MAN1A1: variants seen among roughly 807,000 people sequenced by gnomAD.
MAN1A1 encodes the protein mannosyl-oligosaccharide 1,2-alpha-mannosidase IA.
MAN1A1 carries 29 observed loss-of-function variants against 70.8 expected under a neutral mutation model. The observed-to-expected ratio is 0.41, with a 90% confidence interval of 0.31 to 0.56. The LOEUF (loss-of-function observed/expected upper bound fraction) is 0.56. Among genes scored for constraint, MAN1A1 ranks in the 20% least tolerant of loss-of-function variants. The pLI is 0.29. For missense variants in MAN1A1, 747 were observed against 841.3 expected (o/e 0.89, Z 1.39); for synonymous variants, 349 against 330.1 (o/e 1.06, Z -0.62).
intron 2 of MAN1A1, among the ~76,000 whole-genome samples, chr6:119,311,465 T>A: frequency 6.6e-6 from 1 of 152,214 alleles, no homozygotes; most frequent in Non-Finnish European, 1.5e-5. Context: ...AATCTTTAGC[T>A]ATGCAGGTTC....
At chr6:119,252,054 T>C (rs1048907327) in intron 5 of MAN1A1, among the ~76,000 whole-genome samples, 9 of 152,210 alleles carry the variant, frequency 5.9e-5, no homozygotes, top group Non-Finnish European at 1.5e-5. Flanking sequence ...ATTTATCATG[T>C]CTTAATTATT....
At chr6:119,349,764 T>C, upstream of MAN1A1, 1 of 985,258 alleles carries the variant, frequency 1.0e-6, no homozygotes, top group Non-Finnish European at 1.2e-6. Context: ...CGAGCACTAA[T>C]CTCACTGCCG....
At chr6:119,254,826 C>T (rs1425668432) in intron 5 of MAN1A1, among the ~76,000 whole-genome samples, 7 of 152,214 alleles carry the variant, frequency 4.6e-5, no homozygotes, top group South Asian at 2.1e-4. Flanking sequence ...TGGTAAAATA[C>T]GATGCAACAG....
At chr6:119,242,163 T>C (rs1253356471) in intron 6 of MAN1A1, among the ~76,000 whole-genome samples, 1 of 125,128 alleles carries the variant, frequency 8.0e-6, no homozygotes. Context: ...ACTGGGTTTG[T>C]ACCACATTAA....
At chr6:119,267,369 A>G (rs1163582572) in intron 5 of MAN1A1, among the ~76,000 whole-genome samples, 5 of 152,228 alleles carry the variant, frequency 3.3e-5, no homozygotes, top group African/African-American at 1.2e-4. Context: ...TTGAAATATA[A>G]TCTGTAATTT....
intron 4 of MAN1A1, 132 bp downstream of exon 4, chr6:119,301,856 T>C (rs1290025256): frequency 1.2e-5 from 7 of 581,900 alleles, no homozygotes; most frequent in African/African-American, 1.9e-5. Context: ...TATAAGATAA[T>C]AGTATTTGTA....
intron 6 of MAN1A1, among the ~76,000 whole-genome samples, chr6:119,223,102 T>A (rs1030289236): frequency 1.3e-5 from 2 of 152,120 alleles, no homozygotes; most frequent in African/African-American, 4.8e-5. Context: ...AGAATGAATA[T>A]TTAGAATATT....
At chr6:119,286,839 G>A (rs1056883288) in intron 5 of MAN1A1, among the ~76,000 whole-genome samples, 3 of 151,922 alleles carry the variant, frequency 2.0e-5, no homozygotes, top group Admixed American at 6.6e-5. Context: ...ATTTTTTCAG[G>A]TATCTTATTC....
In MAN1A1 at chr6:119,255,502, C is replaced by G. The variant is rs148317840; in HGVS notation, c.898-7148G>C. Among the ~76,000 whole-genome samples, 1,247 of 152,284 alleles carry G rather than the reference C, an allele frequency of 8.2e-3. 13 individuals carry two copies. Among genetic ancestry groups the G allele is most frequent in the African/African-American group, 0.028 (1,180 of 41,558 alleles). On this transcript the variant is annotated intron_variant, in intron 5 of 12. Transcript: ENST00000368468. ...ACCAGTAAGTACTTATTAAGCTATT[C>G]TGGCTTTTTAGAGTAGACCCTTGAA...
At chr6:119,193,943 T>A (rs747162270) in intron 8 of MAN1A1, 51 bp from the exon 9 acceptor site, 10 of 1,180,000 alleles carry the variant, frequency 8.5e-6, no homozygotes, top group South Asian at 1.2e-5. Context: ...TTAATTCAGA[T>A]AATGCAGCAA....
intron 9 of MAN1A1, 39 bp from the exon 10 acceptor site, chr6:119,189,922 T>G: frequency 3.4e-6 from 5 of 1,468,052 alleles, no homozygotes; most frequent in Non-Finnish European, 4.7e-6. Flanking sequence ...TTGTAATCTC[T>G]TCTCAAATTT....
At chr6:119,208,143 T>C (rs1015223513) in intron 6 of MAN1A1, among the ~76,000 whole-genome samples, 1 of 152,156 alleles carries the variant, frequency 6.6e-6, no homozygotes, top group East Asian at 1.9e-4. Context: ...AGTTGGCCAG[T>C]GGAAATATAT....
intron 6 of MAN1A1, among the ~76,000 whole-genome samples, chr6:119,234,527 C>T (rs1185648159): frequency 6.6e-6 from 1 of 152,066 alleles, no homozygotes; most frequent in African/African-American, 2.4e-5. Context: ...AATCTTTCCA[C>T]CTCAGCCTCC....
chr6:119,306,140 C>A (rs1243421694), intron 3 of MAN1A1, among the ~76,000 whole-genome samples: 1 of 152,122 alleles, frequency 6.6e-6, no homozygotes, highest in Non-Finnish European at 1.5e-5. Context: ...AGAAAGTGTT[C>A]TATTGTTGAA....
chr6:119,253,403 C>T (rs1347482426), intron 5 of MAN1A1, among the ~76,000 whole-genome samples: 11 of 152,278 alleles, frequency 7.2e-5, no homozygotes, highest in South Asian at 2.1e-4. Flanking sequence ...TGACAACGCC[C>T]GACTGCACGT....
At chr6:119,214,554 C>A (rs767503828) in intron 6 of MAN1A1, among the ~76,000 whole-genome samples, 18 of 152,180 alleles carry the variant, frequency 1.2e-4, no homozygotes, top group Non-Finnish European at 2.2e-4. Context: ...GGGTCTCACT[C>A]TGTCACCCAA....
At chr6:119,181,043 T>C (rs1773140483) in intron 11 of MAN1A1, among the ~76,000 whole-genome samples, 1 of 152,218 alleles carries the variant, frequency 6.6e-6, no homozygotes, top group Non-Finnish European at 1.5e-5. Context: ...TAGCAAAGTA[T>C]GAACTATAGG....
intron 11 of MAN1A1, among the ~76,000 whole-genome samples, chr6:119,186,434 C>T (rs1773293588): frequency 6.6e-6 from 1 of 152,106 alleles, no homozygotes; most frequent in Non-Finnish European, 1.5e-5. Flanking sequence ...AAAACAGGGA[C>T]AGAAGAGCCA....
At chr6:119,183,667 C>A (rs1405388170) in intron 11 of MAN1A1, among the ~76,000 whole-genome samples, 1 of 152,134 alleles carries the variant, frequency 6.6e-6, no homozygotes, top group East Asian at 1.9e-4. Context: ...GCTCTAAGCT[C>A]CTTCTTTTGT....
Sources: allele counts gnomAD v4.1 joint callset (sites outside exome capture counted in the v4.1 genomes callset), GRCh38; gene constraint gnomAD v4.1.1; transcripts MANE v1.5; gene names NCBI Gene and HGNC (gene_info 2026-07-23, HGNC 2026-07-21).